Variants in NAV3 observed in about 807,000 individuals in gnomAD.
NAV3 encodes pore membrane and/or filament interacting like protein 1.
A neutral mutation model predicts 244.7 loss-of-function variants in NAV3; 87 were observed. The ratio of observed to expected loss-of-function variants is 0.36; its 90% CI spans 0.30 to 0.42. The LOEUF is 0.42. NAV3 is among the 20% of genes least tolerant of loss of function. The pLI, the probability that NAV3 is intolerant of heterozygous loss-of-function variation, is 1.00. For missense variants in NAV3, 2,663 were observed against 2,893.3 expected (o/e 0.92, Z 1.83); for synonymous variants, 1,126 against 1,042.2 (o/e 1.08, Z -1.55).
At chr12:77,875,525 G>A (rs1881720081) in intron 1 of NAV3, among the ~76,000 whole-genome samples, 1 of 151,910 alleles carries the variant, frequency 6.6e-6, no homozygotes, top group Non-Finnish European at 1.5e-5. Context: ...CTCGGTTCCT[G>A]AAATACTGCC....
chr12:78,160,406 T>TGTGTGTGCATGC (rs559024915), intron 23 of NAV3, among the ~76,000 whole-genome samples: 16 of 138,820 alleles, frequency 1.2e-4, no homozygotes, highest in Non-Finnish European at 2.0e-4. Context: ...TGTGCGTGCG[T>TGTGTGTGCATGC]GTGTGTGTGT....
chr12:78,098,639 C>T (rs1954378309), intron 12 of NAV3, among the ~76,000 whole-genome samples: 1 of 151,258 alleles, frequency 6.6e-6, no homozygotes, highest in Non-Finnish European at 1.5e-5. Flanking sequence ...TTGACTGAAA[C>T]ATTTTTGAAT....
intron 1 of NAV3, among the ~76,000 whole-genome samples, chr12:77,855,678 C>G (rs891712591): frequency 4.6e-5 from 7 of 152,238 alleles, no homozygotes; most frequent in Non-Finnish European, 1.0e-4. Context: ...AGCTTTCCCA[C>G]TTGCTGCTCG....
chr12:77,877,567 A>G (rs1158538034), intron 1 of NAV3, among the ~76,000 whole-genome samples: 4 of 152,154 alleles, frequency 2.6e-5, no homozygotes, highest in East Asian at 1.9e-4. Context: ...AAAAAAGTGG[A>G]CTATCTAAAT....
chr12:77,687,835 A>C (rs932857673), intron 2 of NAV3, among the ~76,000 whole-genome samples: 3 of 152,110 alleles, frequency 2.0e-5, no homozygotes. Flanking sequence ...ACGGCTTAAT[A>C]GCAAATTTTA....
At chr12:77,924,884 G>A (rs1403854035) in intron 1 of NAV3, among the ~76,000 whole-genome samples, 1 of 151,692 alleles carries the variant, frequency 6.6e-6, no homozygotes, top group Non-Finnish European at 1.5e-5. Context: ...TTTTGCACAT[G>A]TTTTCTATTA....
intron 12 of NAV3, among the ~76,000 whole-genome samples, chr12:78,096,627 C>G (rs186124723): frequency 9.2e-5 from 14 of 152,182 alleles, no homozygotes; most frequent in Non-Finnish European, 1.5e-5. Context: ...CTCCATAAAA[C>G]CATCAGATCT....
intron 12 of NAV3, among the ~76,000 whole-genome samples, chr12:78,113,999 C>A (rs1955239554): frequency 6.6e-6 from 1 of 152,110 alleles, no homozygotes; most frequent in South Asian, 2.1e-4. Context: ...CTACCAGATA[C>A]CCTAAATTAT....
intron 2 of NAV3, among the ~76,000 whole-genome samples, chr12:77,718,287 A>G (rs1311044824): frequency 6.6e-6 from 1 of 151,940 alleles, no homozygotes; most frequent in Admixed American, 6.6e-5. Flanking sequence ...ATTTTTTTGC[A>G]TGCGGATTTT....
chr12:78,020,470 T>C (rs1392463225), intron 8 of NAV3, among the ~76,000 whole-genome samples: 1 of 152,188 alleles, frequency 6.6e-6, no homozygotes, highest in African/African-American at 2.4e-5. Context: ...ATAGGAACAG[T>C]CTGTCAGAAA....
At chr12:78,034,776 A>C (rs1879572095) in intron 9 of NAV3, among the ~76,000 whole-genome samples, 1 of 152,194 alleles carries the variant, frequency 6.6e-6, no homozygotes, top group Non-Finnish European at 1.5e-5. Flanking sequence ...TGAAAGAAAA[A>C]AGATTTTCTA....
rs34518266 is a variant in NAV3 at position 77,723,755 on chromosome 12, C to CTTTTTTTTTTTTTTTTTTTTTTTT, written c.72+151512_72+151513insTTTTTTTTTTTTTTTTTTTTTTTT. The stretch of plus-strand genomic sequence containing the variant: ...AGGAGTTTCTTCTTGGCAATCTTGA[C>CTTTTTTTTTTTTTTTTTTTTTTTT]TTTTTTTTTTTTTTTTTTTTTTTAC... On this transcript the variant is annotated intron_variant, in intron 2 of 8. Transcript: ENST00000550042. 1.3e-4 allele frequency among the ~76,000 whole-genome samples: 9 copies of CTTTTTTTTTTTTTTTTTTTTTTTT among 67,654 alleles called. 1 individual carries two copies. Among genetic ancestry groups the CTTTTTTTTTTTTTTTTTTTTTTTT allele is most frequent in the Admixed American group, 4.2e-4 (2 of 4,714 alleles). The allele number at this position is 67,654 out of a possible 152,430, so 44.4% of individuals were successfully genotyped here. A position where few individuals can be genotyped will look rare whatever the true frequency, so the allele number is the denominator to read the frequency against.
At chr12:78,080,130 T>A (rs1409575122) in intron 12 of NAV3, among the ~76,000 whole-genome samples, 2 of 152,170 alleles carry the variant, frequency 1.3e-5, no homozygotes, top group Non-Finnish European at 2.9e-5. Flanking sequence ...TAGACAAAAA[T>A]AATTTGGGGA....
chr12:77,680,025 A>T (rs1225863912), intron 2 of NAV3, among the ~76,000 whole-genome samples: 2 of 152,184 alleles, frequency 1.3e-5, no homozygotes, highest in African/African-American at 4.8e-5. Context: ...ATTTATAGAA[A>T]TAAGAGGATG....
intron 3 of NAV3, among the ~76,000 whole-genome samples, chr12:77,956,401 T>G (rs1225532169): frequency 6.6e-6 from 1 of 152,218 alleles, no homozygotes; most frequent in African/African-American, 2.4e-5. Context: ...TATGTATGAT[T>G]GGCAACAGCA....
At chr12:78,066,246 C>A (rs1369696357) in intron 12 of NAV3, among the ~76,000 whole-genome samples, 2 of 151,962 alleles carry the variant, frequency 1.3e-5, no homozygotes, top group African/African-American at 4.8e-5. Context: ...AGTCCCTGAG[C>A]ATGTTTAATG....
chr12:78,059,227 A>T, intron 12 of NAV3, 112 bp downstream of exon 12: 1 of 927,366 alleles, frequency 1.1e-6, no homozygotes, highest in Non-Finnish European at 1.5e-6. Context: ...TTTTATTTTG[A>T]TAAATAATTA....
chr12:78,136,116 T>A (rs929832845), intron 18 of NAV3, among the ~76,000 whole-genome samples: 3 of 152,144 alleles, frequency 2.0e-5, no homozygotes, highest in Non-Finnish European at 4.4e-5. Flanking sequence ...TAAGAAGAAG[T>A]TTAGTGCCTG....
chr12:78,155,887 C>A (rs765237870), intron 22 of NAV3, among the ~76,000 whole-genome samples: 13 of 152,020 alleles, frequency 8.6e-5, no homozygotes, highest in Admixed American at 2.6e-4. Context: ...TCCTTGTAGA[C>A]TCTAGATATT....
Sources: gnomAD v4.1 joint callset for allele counts (sites outside exome capture counted in the v4.1 genomes callset) on GRCh38, gnomAD v4.1.1 for gene constraint, MANE v1.5 for transcripts, NCBI Gene and HGNC (gene_info 2026-07-23, HGNC 2026-07-21) for gene names.